The following INTS2 variants were observed in gnomAD, a reference collection of about 807,000 sequenced individuals.
INTS2 encodes the protein KIAA1287.
INTS2 carries 57 observed loss-of-function variants against 139.6 expected under a neutral mutation model. The ratio of observed to expected loss-of-function variants is 0.41; its 90% CI spans 0.33 to 0.51. The LOEUF is 0.51. INTS2 is among the 20% of genes least tolerant of loss of function. The probability of loss-of-function intolerance (pLI) is 0.28; values close to 1 mark genes in which losing one functional copy is unlikely to be tolerated. For missense variants in INTS2, 1,196 were observed against 1,436.7 expected, an observed-to-expected ratio of 0.83 and a Z score of 2.71; for synonymous variants, 473 against 493.4, an observed-to-expected ratio of 0.96 and a Z score of 0.55.
intron 8 of INTS2, among the ~76,000 whole-genome samples, chr17:61,905,599 T>C (rs2079454141): frequency 6.6e-6 from 1 of 152,244 alleles, no homozygotes; most frequent in South Asian, 2.1e-4. Flanking sequence ...GCGCTCGGAT[T>C]ATGGGCGTGA....
Position 61,893,865 on chromosome 17 carries a change from G to A in INTS2, c.1598C>T (p.Thr533Ile). ...AGTAATGTTGGCACTCAGGTTGCTG[G>A]TGACAGGGACCCGAACTGCATGAGC... ...VTAHAVRVPV[T>I]SNLSANITGF... The change falls in exon 13 of 25, where the codon ACC becomes ATC. Residue 533 changes from threonine to isoleucine, a missense_variant. This residue lies in a region of INTS2 where 1,129 missense variants were observed against 1,341.9 expected (regional missense o/e 0.84). Coordinates refer to ENST00000251334, the MANE Select transcript of INTS2 (RefSeq NM_001351695.2). The surrounding 1 kb of genome is among the most constrained non-coding windows in gnomAD (Gnocchi z 5.4). The A allele has an allele frequency of 6.3e-7, 1 of 1,580,680 alleles. No homozygotes were observed. The highest frequency in any genetic ancestry group is 8.6e-7 in the Non-Finnish European group (1 of 1,162,478).
chr17:61,884,764 T>A (rs2079210087), intron 16 of INTS2, 137 bp downstream of exon 16: 1 of 648,048 alleles, frequency 1.5e-6, no homozygotes, highest in African/African-American at 1.9e-5. Flanking sequence ...ATAGATTTAG[T>A]GAGGGAGGCA....
rs2079053402 is a variant in INTS2 at position 61,867,310 on chromosome 17, T to TG, written c.*246dup. ...ATGAGTTTCTTACATGTGTTCCCAG[T>TG]GGAAAAAAAAAAAGCTCAGCTGCTA... On this transcript the variant is annotated 3_prime_UTR_variant, in exon 25 of 25. Transcript: ENST00000251334. This position sits in a 1 kb window ranked among gnomAD's most constrained non-coding sequence, Gnocchi z 5.6. The TG allele has an allele frequency of 3.7e-6, 1 of 268,330 alleles. No homozygotes were observed. Among genetic ancestry groups the TG allele is most frequent in the Admixed American group, 5.0e-5 (1 of 20,098 alleles). 16.6% of individuals were successfully genotyped at this position (268,330 alleles called of 1,614,324 possible). A position where few individuals can be genotyped will look rare whatever the true frequency, so the allele number is the denominator to read the frequency against.
rs2079712294 is a variant in INTS2 at position 61,926,270 on chromosome 17, C to G, written c.293+82G>C. ...TCCAGAATTTAGATTCTCATTCTCT[C>G]TTTTCTGGAGAGCTCTAAAAAATAT... is the stretch of plus-strand genomic sequence containing the variant. On this transcript the variant is annotated intron_variant, in intron 2 of 24. Transcript: ENST00000251334. 5 of 1,146,602 alleles carry G rather than the reference C, an allele frequency of 4.4e-6. No homozygotes were observed. The South Asian group carries it at 7.9e-5, about 18-fold the overall frequency. 71.0% of individuals were successfully genotyped at this position (1,146,602 alleles called of 1,614,324 possible). A position where few individuals can be genotyped will look rare whatever the true frequency, so the allele number is the denominator to read the frequency against.
chr17:61,869,948 G>T lies in INTS2; in HGVS notation c.2819C>A (p.Pro940His). 3 of 1,613,522 alleles carry T rather than the reference G, an allele frequency of 1.9e-6. No homozygotes were observed. The highest frequency in any genetic ancestry group is 1.7e-6 in the Non-Finnish European group (2 of 1,179,622). The change falls in exon 21 of 25, where the codon CCT becomes CAT. Residue 940 changes from proline to histidine, a missense_variant. This residue lies in a region of INTS2 where 1,129 missense variants were observed against 1,341.9 expected (regional missense o/e 0.84). Coordinates refer to ENST00000251334, the MANE Select transcript of INTS2 (RefSeq NM_001351695.2). This position sits in a 1 kb window ranked among gnomAD's most constrained non-coding sequence, Gnocchi z 5.4. ...ACCATTTGCTTTCTCCTCTTCAGTA[G>T]GTAGGCAAATCTCTAAGAGAATCTG... is the stretch of plus-strand genomic sequence containing the variant. Reference protein sequence around the residue: ...AVQILLEICLPTEEEKANGVN... With the variant: ...AVQILLEICLHTEEEKANGVN...
At chr17:61,878,424 C>T (rs889026570) in intron 17 of INTS2, among the ~76,000 whole-genome samples, 1 of 151,794 alleles carries the variant, frequency 6.6e-6, no homozygotes, top group Non-Finnish European at 1.5e-5. Context: ...ATGAGCCAGG[C>T]GTGGTGGCAG....
At chr17:61,889,938 C>G in intron 14 of INTS2, 44 bp from the exon 15 acceptor site, 1 of 1,201,070 alleles carries the variant, frequency 8.3e-7, no homozygotes, top group South Asian at 1.3e-5. Context: ...CTGAATTTCA[C>G]GAGTGCTTTT....
At chr17:61,907,182 C>T (rs1824251437) in intron 8 of INTS2, among the ~76,000 whole-genome samples, 1 of 151,978 alleles carries the variant, frequency 6.6e-6, no homozygotes, top group African/African-American at 2.4e-5. Context: ...TGCTCTGGCT[C>T]CTCCCATATT....
chr17:61,887,149 A>C (rs1441912987), intron 15 of INTS2, among the ~76,000 whole-genome samples: 1 of 152,192 alleles, frequency 6.6e-6, no homozygotes, highest in Middle Eastern at 3.2e-3. Context: ...AACCACACCT[A>C]TCTCAGAATT....
rs1227757672 is a variant in INTS2, at chr17:61,875,232, G to A, written c.2457-194C>T. Reference sequence around the variant, plus strand: ...CTTTAAAAAACACAGAGATAAAACAGTAAACACAAAGTAGTTTCAGAAACG... The same window carrying A: ...CTTTAAAAAACACAGAGATAAAACAATAAACACAAAGTAGTTTCAGAAACG... On this transcript the variant is annotated intron_variant, in intron 18 of 24. Coordinates refer to ENST00000251334, the MANE Select transcript of INTS2 (RefSeq NM_001351695.2). This position sits in a 1 kb window ranked among gnomAD's most constrained non-coding sequence, Gnocchi z 4.6. Among the ~76,000 whole-genome samples, 1 of 152,036 alleles carries A rather than the reference G, an allele frequency of 6.6e-6. No individual in the cohort carries two copies. The highest frequency in any genetic ancestry group is 1.5e-5 in the Non-Finnish European group (1 of 67,972).
rs932953816 is a variant in INTS2 at position 61,925,709 on chromosome 17, T to C, written c.294-610A>G. On this transcript the variant is annotated intron_variant, in intron 2 of 24. Coordinates refer to ENST00000251334, the MANE Select transcript of INTS2 (RefSeq NM_001351695.2). ...AGGACATAGCACCTGCCCAGAATCT[T>C]TGGGAATATCTAAGCTTTAAAAGCC... 2.6e-5 allele frequency among the ~76,000 whole-genome samples: 4 copies of C among 151,668 alleles called. No individual in the cohort carries two copies. In the East Asian group the frequency reaches 5.8e-4, roughly 22 times the overall value.
chr17:61,877,204 T>C (rs1184043118), intron 18 of INTS2, among the ~76,000 whole-genome samples: 1 of 152,100 alleles, frequency 6.6e-6, no homozygotes, highest in Non-Finnish European at 1.5e-5. Flanking sequence ...TTATAAGAGA[T>C]ATATGGGGAG....
At position 61,868,651 on chromosome 17, in the gene INTS2, G is replaced by A. The variant is rs1373263914; in HGVS notation, c.3244+383C>T. ...ACATTTATCTTTCATTTATACATAT[G>A]ATGATATTTTTCTGGAACTCTGAGC... On this transcript the variant is annotated intron_variant, in intron 23 of 24. Coordinates refer to ENST00000251334, the MANE Select transcript of INTS2 (RefSeq NM_001351695.2). This position sits in a 1 kb window ranked among gnomAD's most constrained non-coding sequence, Gnocchi z 4.7. Among the ~76,000 whole-genome samples the A allele has an allele frequency of 6.6e-6, 1 of 152,056 alleles. No homozygotes were observed. Among genetic ancestry groups the A allele is most frequent in the African/African-American group, 2.4e-5 (1 of 41,414 alleles).
chr17:61,890,942 C>T (rs1416751490), intron 14 of INTS2, among the ~76,000 whole-genome samples: 2 of 128,682 alleles, frequency 1.6e-5, no homozygotes, highest in Non-Finnish European at 3.1e-5. Flanking sequence ...CGAGACTGCC[C>T]ATTGCACTCC....
In INTS2 at chr17:61,874,973, G is replaced by A; in HGVS notation, c.2522C>T (p.Thr841Ile). 1 of 1,597,392 alleles carries A rather than the reference G, an allele frequency of 6.3e-7. No individual in the cohort carries two copies. Among genetic ancestry groups the A allele is most frequent in the Non-Finnish European group, 8.5e-7 (1 of 1,170,716 alleles). ...AGGATCTATCATCAGGTCATTCTGA[G>A]TATACTTTTGTTGTCGTACAAACTT... ...SIKFVRQQKY[T>I]QNDLMIDPLI... Residue 841 changes from threonine to isoleucine, a missense_variant, in exon 19 of 25, where the codon ACT (threonine) becomes ATT (isoleucine). Physicochemically the swap from Thr to Ile is moderately conservative, Grantham distance 89. This residue lies in a region of INTS2 where 1,129 missense variants were observed against 1,341.9 expected (regional missense o/e 0.84). Coordinates refer to ENST00000251334, the MANE Select transcript of INTS2 (RefSeq NM_001351695.2).
In INTS2 at chr17:61,866,003, G is replaced by A. The variant is rs914953083; in HGVS notation, c.*1554C>T. 6.6e-6 allele frequency: 1 copy of A among 152,530 alleles called. No individual in the cohort carries two copies. Among genetic ancestry groups the A allele is most frequent in the Non-Finnish European group, 1.5e-5 (1 of 68,032 alleles). 9.4% of individuals were successfully genotyped at this position (152,530 alleles called of 1,614,324 possible). A position where few individuals can be genotyped will look rare whatever the true frequency, so the allele number is the denominator to read the frequency against. The stretch of plus-strand genomic sequence containing the variant: ...AAATGAGATGTGACTATTTACTAGT[G>A]AAAAGGCTAAAGTTAAATTTCATTT... On this transcript the variant is annotated 3_prime_UTR_variant, in exon 25 of 25. Coordinates refer to ENST00000251334, the MANE Select transcript of INTS2 (RefSeq NM_001351695.2).
chr17:61,871,754 C>CA lies in INTS2; in HGVS notation c.2778+510dup, dbSNP rs1428616062. Among the ~76,000 whole-genome samples, 1 of 151,798 alleles carries CA rather than the reference C, an allele frequency of 6.6e-6. No individual in the cohort carries two copies. The highest frequency in any genetic ancestry group is 2.4e-5 in the African/African-American group (1 of 41,348). ...TTCAACACAAGCCTGGCAAACACAG[C>CA]AAAACCCTGTCTCTACTAAAAATAC... On this transcript the variant is annotated intron_variant, in intron 20 of 24. Transcript: ENST00000251334. The surrounding 1 kb of genome is among the most constrained non-coding windows in gnomAD (Gnocchi z 4.9).
chr17:61,905,590 C>T (rs199806405), intron 8 of INTS2, among the ~76,000 whole-genome samples: 109 of 152,300 alleles, frequency 7.2e-4, no homozygotes, highest in East Asian at 3.7e-3. Flanking sequence ...CCTCCCAGAG[C>T]GCTCGGATTA....
intron 3 of INTS2, among the ~76,000 whole-genome samples, chr17:61,922,223 C>A (rs1567920894): frequency 2.0e-5 from 3 of 152,028 alleles, no homozygotes; most frequent in Admixed American, 1.3e-4. Flanking sequence ...GTAATCCCAG[C>A]ACTTTGGAAG....
Sources: allele counts gnomAD v4.1 joint callset (sites outside exome capture counted in the v4.1 genomes callset), GRCh38; gene constraint gnomAD v4.1.1; regional missense constraint gnomAD v4.1.1; non-coding constraint Gnocchi (gnomAD v3.1); transcripts MANE v1.5; gene names NCBI Gene and HGNC (gene_info 2026-07-23, HGNC 2026-07-21).